DKKL1: variants seen among roughly 807,000 people sequenced by gnomAD.
DKKL1 encodes dickkopf-like protein 1.
In DKKL1, 11 loss-of-function variants were observed where a neutral mutation model predicts 16.5. The ratio of observed to expected loss-of-function variants is 0.67; its 90% CI spans 0.42 to 1.10. The LOEUF is 1.10. Ranked by LOEUF, DKKL1 falls within the 50% of genes least tolerant of loss-of-function variation. DKKL1 has a pLI of 0.00. For missense variants in DKKL1, 320 were observed against 308.1 expected (o/e 1.04, Z -0.29); for synonymous variants, 119 against 133.2 (o/e 0.89, Z 0.73).
At chr19:49,370,643 A>T (rs1312034242) in intron 4 of DKKL1, 1 of 152,244 alleles carries the variant, frequency 6.6e-6, no homozygotes, top group African/African-American at 2.4e-5. Context: ...TCACATGAGG[A>T]TGCTCCACTG....
At chr19:49,363,829 A>G (rs1973120539), upstream of DKKL1, 2 of 961,758 alleles carry the variant, frequency 2.1e-6, no homozygotes, top group Admixed American at 2.0e-5. Context: ...GTGGTCAGAC[A>G]ATAGGGGCGT....
At chr19:49,364,528 C>T in intron 1 of DKKL1, 54 bp from the exon 2 acceptor site, 2 of 1,521,928 alleles carry the variant, frequency 1.3e-6, no homozygotes, top group Non-Finnish European at 1.8e-6. Flanking sequence ...AGAGGGGCGT[C>T]TTGGGTGGGG....
chr19:49,373,985 AT>A (rs930127248), intron 4 of DKKL1, among the ~76,000 whole-genome samples: 83 of 143,848 alleles, frequency 5.8e-4, no homozygotes, highest in Admixed American at 1.5e-3. Context: ...TGAAAGCTTT[AT>A]TTTTTTTTTT....
At chr19:49,363,593 G>C (rs1021332392), upstream of DKKL1, 1 of 332,300 alleles carries the variant, frequency 3.0e-6, no homozygotes, top group Non-Finnish European at 5.9e-6. Context: ...ACTCCGAAAC[G>C]AGGGCCGCAA....
At chr19:49,373,940 T>C (rs1973616322) in intron 4 of DKKL1, among the ~76,000 whole-genome samples, 1 of 152,044 alleles carries the variant, frequency 6.6e-6, no homozygotes. Context: ...ACTCAGTCCA[T>C]ATTCAAACTT....
chr19:49,362,583 G>T (rs1392208774), upstream of DKKL1: 1 of 152,188 alleles, frequency 6.6e-6, no homozygotes, highest in Non-Finnish European at 1.5e-5. Context: ...AGGAACTCAG[G>T]ATTTGGGTGC....
chr19:49,372,465 AG>A (rs1973533365), intron 4 of DKKL1, among the ~76,000 whole-genome samples: 1 of 151,712 alleles, frequency 6.6e-6, no homozygotes, highest in African/African-American at 2.4e-5. Flanking sequence ...AGACCGAGGC[AG>A]GCAGATCATG....
chr19:49,374,637 G>A, intron 4 of DKKL1, 80 bp from the exon 5 acceptor site: 8 of 1,350,650 alleles, frequency 5.9e-6, no homozygotes, highest in South Asian at 1.7e-5. Context: ...CTGCAAAGTG[G>A]GCTGAATAGG....
Position 49,364,567 on chromosome 19 carries a change from C to T in DKKL1, c.11-15C>T. ...TGGCCACTGTGCGGGGCTCTGACCC[C>T]GACCCTTGCCACAGCCTCCCCACCT... On this transcript the variant is annotated splice_polypyrimidine_tract_variant and intron_variant, in intron 1 of 4. Transcript: ENST00000221498. 3 of 1,603,532 alleles carry T rather than the reference C, an allele frequency of 1.9e-6. No individual in the cohort carries two copies. The highest frequency in any genetic ancestry group is 1.3e-5 in the African/African-American group (1 of 74,886).
At chr19:49,369,905 C>A (rs1973408617) in intron 4 of DKKL1, 1 of 152,250 alleles carries the variant, frequency 6.6e-6, no homozygotes, top group African/African-American at 2.4e-5. Flanking sequence ...ACTCCACTGT[C>A]CATGGCGAAT....
chr19:49,374,269 A>T (rs1239418672), intron 4 of DKKL1, among the ~76,000 whole-genome samples: 1 of 152,198 alleles, frequency 6.6e-6, no homozygotes, highest in Non-Finnish European at 1.5e-5. Flanking sequence ...TACAGGCATG[A>T]GCCACTGCAC....
chr19:49,366,735 T>C (rs1973266246), intron 4 of DKKL1, among the ~76,000 whole-genome samples: 1 of 148,212 alleles, frequency 6.7e-6, no homozygotes, highest in Non-Finnish European at 1.5e-5. Flanking sequence ...GAGAATGGAG[T>C]CTTGCTCTGT....
intron 4 of DKKL1, among the ~76,000 whole-genome samples, chr19:49,366,673 G>A (rs879502084): frequency 1.3e-5 from 2 of 149,028 alleles, no homozygotes; most frequent in Admixed American, 6.7e-5. Flanking sequence ...TGTTGTTATT[G>A]TGGTTTTGAT....
At chr19:49,371,651 T>G (rs765732748) in intron 4 of DKKL1, among the ~76,000 whole-genome samples, 1 of 151,268 alleles carries the variant, frequency 6.6e-6, no homozygotes, top group African/African-American at 2.5e-5. Context: ...CTTTGGGTTC[T>G]GGGGTACATG....
intron 4 of DKKL1, among the ~76,000 whole-genome samples, chr19:49,373,185 C>T (rs1451800675): frequency 6.6e-6 from 1 of 151,742 alleles, no homozygotes; most frequent in Non-Finnish European, 1.5e-5. Context: ...CCCCTGTAAT[C>T]CCAGCTACTC....
chr19:49,367,271 G>T (rs1464456580), intron 4 of DKKL1, among the ~76,000 whole-genome samples: 2 of 152,162 alleles, frequency 1.3e-5, no homozygotes, highest in East Asian at 3.8e-4. Flanking sequence ...CCTGACCTCA[G>T]CTGATCCACC....
At chr19:49,366,455 T>G (rs1899392410) in intron 4 of DKKL1, among the ~76,000 whole-genome samples, 1 of 151,172 alleles carries the variant, frequency 6.6e-6, no homozygotes. Context: ...TTTAACTACA[T>G]AATAGTCAAT....
In DKKL1 at chr19:49,364,562, G is replaced by A; in HGVS notation, c.11-20G>A. 1 of 1,601,438 alleles carries A rather than the reference G, an allele frequency of 6.2e-7. No individual in the cohort carries two copies. Among genetic ancestry groups the A allele is most frequent in the East Asian group, 2.2e-5 (1 of 44,846 alleles). On this transcript the variant is annotated intron_variant, in intron 1 of 4. Coordinates refer to ENST00000221498, the MANE Select transcript of DKKL1 (RefSeq NM_014419.4). Reference sequence around the variant, plus strand: ...GGGCGTGGCCACTGTGCGGGGCTCTGACCCCGACCCTTGCCACAGCCTCCC... The same window carrying A: ...GGGCGTGGCCACTGTGCGGGGCTCTAACCCCGACCCTTGCCACAGCCTCCC...
intron 4 of DKKL1, chr19:49,370,805 G>A (rs1253882467): frequency 6.6e-6 from 1 of 152,202 alleles, no homozygotes; most frequent in African/African-American, 2.4e-5. Flanking sequence ...GACCTGGCGG[G>A]GATGGTGATC....
Sources: allele counts gnomAD v4.1 joint callset (sites outside exome capture counted in the v4.1 genomes callset), GRCh38; gene constraint gnomAD v4.1.1; transcripts MANE v1.5; gene names NCBI Gene and HGNC (gene_info 2026-07-23, HGNC 2026-07-21).